The following RPS6KA5 variants were observed in gnomAD, a reference collection of about 807,000 sequenced individuals.
RPS6KA5 encodes the protein ribosomal protein S6 kinase alpha-5.
A neutral mutation model predicts 85.5 loss-of-function variants in RPS6KA5; 27 were observed. That is an observed-to-expected ratio of 0.32 (90% CI 0.23 to 0.44). RPS6KA5 has a LOEUF of 0.44. RPS6KA5 is among the 20% of genes least tolerant of loss of function. The pLI is 1.00. For synonymous variants in RPS6KA5, 334 were observed against 348.2 expected, an observed-to-expected ratio of 0.96 and a Z score of 0.46; for missense variants, 811 against 980.9, an observed-to-expected ratio of 0.83 and a Z score of 2.31.
chr14:91,002,501 ATAAG>A (rs758200671), intron 1 of RPS6KA5, among the ~76,000 whole-genome samples: 3 of 152,172 alleles, frequency 2.0e-5, no homozygotes, highest in Non-Finnish European at 4.4e-5. Flanking sequence ...AATAAGCAGT[ATAAG>A]TGTTTGTAAA....
At chr14:91,044,052 C>T (rs1295867312) in intron 1 of RPS6KA5, among the ~76,000 whole-genome samples, 3 of 151,880 alleles carry the variant, frequency 2.0e-5, no homozygotes, top group Admixed American at 1.3e-4. Flanking sequence ...TATGGTGAAA[C>T]CCTATCTCTA....
intron 1 of RPS6KA5, among the ~76,000 whole-genome samples, chr14:91,026,861 T>C (rs902083115): frequency 6.6e-6 from 1 of 152,248 alleles, no homozygotes; most frequent in African/African-American, 2.4e-5. Context: ...TTGATTTGCC[T>C]TTCTCTGATG....
intron 1 of RPS6KA5, among the ~76,000 whole-genome samples, chr14:91,049,386 G>A (rs576682465): frequency 2.0e-5 from 3 of 152,216 alleles, no homozygotes; most frequent in Non-Finnish European, 4.4e-5. Flanking sequence ...AGGCTGAGGT[G>A]GGTGGATCAC....
chr14:90,956,219 G>A (rs897794731), intron 3 of RPS6KA5, among the ~76,000 whole-genome samples: 7 of 151,954 alleles, frequency 4.6e-5, no homozygotes, highest in African/African-American at 1.7e-4. Context: ...CAGATAATGA[G>A]GGATAATGAT....
intron 3 of RPS6KA5, among the ~76,000 whole-genome samples, chr14:90,965,787 C>G (rs2039032789): frequency 6.6e-6 from 1 of 152,018 alleles, no homozygotes; most frequent in Non-Finnish European, 1.5e-5. Flanking sequence ...AGAGGGCAAG[C>G]AATGCCAGTG....
At chr14:91,019,095 G>C (rs190864939) in intron 1 of RPS6KA5, among the ~76,000 whole-genome samples, 2 of 151,974 alleles carry the variant, frequency 1.3e-5, no homozygotes, top group African/African-American at 2.4e-5. Flanking sequence ...GATTTATGTC[G>C]GTGTTTTCAC....
chr14:90,852,581 T>C lies in RPS6KA5; in HGVS notation c.*19493A>G, dbSNP rs2032056024. 2.6e-5 allele frequency: 4 copies of C among 152,164 alleles called. No homozygotes were observed. The highest frequency in any genetic ancestry group is 4.1e-4 in the South Asian group (2 of 4,832). The allele number at this position is 152,164 out of a possible 1,614,324, so 9.4% of individuals were successfully genotyped here. ...GATATGTGCACCCTATTGTAAAGAA[T>C]TGGTATTTAATGCTGCAATGGAGTA... On this transcript the variant is annotated 3_prime_UTR_variant, in exon 17 of 17. Transcript: ENST00000614987.
chr14:90,871,475 T>C lies in RPS6KA5; in HGVS notation c.*599A>G, dbSNP rs2033106946. 4 of 150,946 alleles carry C rather than the reference T, an allele frequency of 2.6e-5. 1 individual carries two copies. The South Asian group carries it at 8.4e-4, about 32-fold the overall frequency. 9.4% of individuals were successfully genotyped at this position (150,946 alleles called of 1,614,324 possible). On this transcript the variant is annotated 3_prime_UTR_variant, in exon 17 of 17. Transcript: ENST00000614987. ...ATCCCGAATACAGAGTATGGGACCTTGAGTTCTTATATCTTTTTTTTTTTT... is the reference window on the plus strand; with the variant it reads ...ATCCCGAATACAGAGTATGGGACCTCGAGTTCTTATATCTTTTTTTTTTTT...
chr14:90,921,619 C>T (rs1275971013), intron 6 of RPS6KA5, among the ~76,000 whole-genome samples: 3 of 152,200 alleles, frequency 2.0e-5, no homozygotes, highest in Non-Finnish European at 4.4e-5. Flanking sequence ...TGAGTCAGAA[C>T]CCTCAGAATG....
chr14:90,851,861 T>C lies in RPS6KA5; in HGVS notation c.*20213A>G, dbSNP rs533673933. 6.6e-6 allele frequency: 1 copy of C among 152,318 alleles called. No homozygotes were observed. The highest frequency in any genetic ancestry group is 2.1e-4 in the South Asian group (1 of 4,834). The allele number at this position is 152,318 out of a possible 1,614,324, so 9.4% of individuals were successfully genotyped here. A position where few individuals can be genotyped will look rare whatever the true frequency, so the allele number is the denominator to read the frequency against. On this transcript the variant is annotated 3_prime_UTR_variant, in exon 17 of 17. Coordinates refer to ENST00000614987, the MANE Select transcript of RPS6KA5 (RefSeq NM_004755.4). Reference sequence around the variant, plus strand: ...GGCTTTATCTTTCATGGCTCAGTTCTCACAAGAGGCTCACTGTACAAGGTC... The same window carrying C: ...GGCTTTATCTTTCATGGCTCAGTTCCCACAAGAGGCTCACTGTACAAGGTC...
chr14:90,976,071 GGAC>G (rs1350538709), intron 3 of RPS6KA5, among the ~76,000 whole-genome samples: 1 of 151,842 alleles, frequency 6.6e-6, no homozygotes, highest in African/African-American at 2.4e-5. Flanking sequence ...ACATGATTAA[GGAC>G]TACTGTTTTC....
intron 3 of RPS6KA5, among the ~76,000 whole-genome samples, chr14:90,953,755 C>T (rs1011731754): frequency 1.2e-4 from 19 of 152,176 alleles, no homozygotes; most frequent in Non-Finnish European, 2.2e-4. Context: ...GCCCTGGTCT[C>T]CTGCAGTACC....
chr14:90,968,049 C>T (rs1408369941), intron 3 of RPS6KA5, among the ~76,000 whole-genome samples: 1 of 152,138 alleles, frequency 6.6e-6, no homozygotes, highest in Non-Finnish European at 1.5e-5. Context: ...TAATTTTGTA[C>T]ACTCGAAGTC....
At chr14:90,936,201 A>C (rs1380104400) in intron 5 of RPS6KA5, among the ~76,000 whole-genome samples, 1 of 152,230 alleles carries the variant, frequency 6.6e-6, no homozygotes. Context: ...ATTATCATAA[A>C]ATATTTTTAA....
Position 90,863,522 on chromosome 14 carries a change from T to C in RPS6KA5, c.*8552A>G, listed in dbSNP as rs1329776022. 6.6e-6 allele frequency: 1 copy of C among 151,680 alleles called. No individual in the cohort carries two copies. The highest frequency in any genetic ancestry group is 1.5e-5 in the Non-Finnish European group (1 of 67,900). 9.4% of individuals were successfully genotyped at this position (151,680 alleles called of 1,614,324 possible). On this transcript the variant is annotated 3_prime_UTR_variant, in exon 17 of 17. Transcript: ENST00000614987. ...TGAAACTGTCATTATTTACAGACGA[T>C]ATAACTGTAGACTTAAAGAAATCTA...
chr14:91,051,896 T>A (rs1205311596), intron 1 of RPS6KA5, among the ~76,000 whole-genome samples: 1 of 151,160 alleles, frequency 6.6e-6, no homozygotes, highest in Non-Finnish European at 1.5e-5. Flanking sequence ...GCTAACTTCA[T>A]ACTCAGTGGT....
intron 13 of RPS6KA5, among the ~76,000 whole-genome samples, chr14:90,892,706 A>G (rs189363877): frequency 1.8e-4 from 27 of 152,360 alleles, no homozygotes; most frequent in Admixed American, 8.5e-4. Context: ...ATAGCTACCT[A>G]CCAAAAGATA....
At chr14:90,981,859 G>A (rs971932291) in intron 2 of RPS6KA5, among the ~76,000 whole-genome samples, 2 of 152,234 alleles carry the variant, frequency 1.3e-5, no homozygotes, top group African/African-American at 4.8e-5. Context: ...TAAGAAGGCT[G>A]TGTAACTAAA....
At chr14:91,048,611 G>A (rs542996377) in intron 1 of RPS6KA5, among the ~76,000 whole-genome samples, 66 of 152,286 alleles carry the variant, frequency 4.3e-4, no homozygotes, top group African/African-American at 1.5e-3. Context: ...CACTTGAACC[G>A]AGAGGGACAC....
Sources: allele counts gnomAD v4.1 joint callset (sites outside exome capture counted in the v4.1 genomes callset), GRCh38; gene constraint gnomAD v4.1.1; transcripts MANE v1.5; gene names NCBI Gene and HGNC (gene_info 2026-07-23, HGNC 2026-07-21).